The following IQCH variants were observed in gnomAD, a reference collection of about 807,000 sequenced individuals.
The protein encoded by IQCH is IQ domain-containing protein H.
A neutral mutation model predicts 117.0 loss-of-function variants in IQCH; 98 were observed. The ratio of observed to expected loss-of-function variants is 0.84; its 90% CI spans 0.71 to 0.99. IQCH has a LOEUF of 0.99. IQCH is among the 50% of genes least tolerant of loss of function. The probability of loss-of-function intolerance (pLI) is 0.00; values close to 1 mark genes in which losing one functional copy is unlikely to be tolerated. For synonymous variants in IQCH, 412 were observed against 448.2 expected, an observed-to-expected ratio of 0.92 and a Z score of 1.02; for missense variants, 1,102 against 1,243.8, an observed-to-expected ratio of 0.89 and a Z score of 1.72.
chr15:67,431,615 A>G lies in IQCH; in HGVS notation c.2505+10038A>G, dbSNP rs1258861001. 6.6e-6 allele frequency among the ~76,000 whole-genome samples: 1 copy of G among 152,196 alleles called. No individual in the cohort carries two copies. The highest frequency in any genetic ancestry group is 1.5e-5 in the Non-Finnish European group (1 of 68,036). On this transcript the variant is annotated intron_variant, in intron 16 of 20. Transcript: ENST00000335894. The surrounding 1 kb of genome is among the most constrained non-coding windows in gnomAD (Gnocchi z 4.8). ...AAGTTTACCTGTGTAGCAAACCTGC[A>G]CACGTACCCCGAACTTAAAAGTTAA...
intron 4 of IQCH, among the ~76,000 whole-genome samples, chr15:67,288,034 A>C (rs754872555): frequency 1.3e-5 from 2 of 152,052 alleles, no homozygotes; most frequent in Non-Finnish European, 2.9e-5. Context: ...TTTACTTTCC[A>C]TGTATTTATG....
In IQCH at chr15:67,456,556, G is replaced by A. The variant is rs750554098; in HGVS notation, c.2506-8571G>A. Reference sequence around the variant, plus strand: ...AGTTTTAGAGATTCCATCCTACATCGTATCAAATGTATTAAAAATCCATTT... The same window carrying A: ...AGTTTTAGAGATTCCATCCTACATCATATCAAATGTATTAAAAATCCATTT... On this transcript the variant is annotated intron_variant, in intron 16 of 20. Transcript: ENST00000335894. The surrounding 1 kb of genome is among the most constrained non-coding windows in gnomAD (Gnocchi z 5.1). Among the ~76,000 whole-genome samples, 4 of 152,022 alleles carry A rather than the reference G, an allele frequency of 2.6e-5. No homozygotes were observed. The highest frequency in any genetic ancestry group is 2.1e-4 in the South Asian group (1 of 4,818).
At position 67,387,826 on chromosome 15, in the gene IQCH, C is replaced by T. The variant is rs953737698; in HGVS notation, c.1457-1005C>T. Among the ~76,000 whole-genome samples, 1 of 152,146 alleles carries T rather than the reference C, an allele frequency of 6.6e-6. No individual in the cohort carries two copies. Among genetic ancestry groups the T allele is most frequent in the Admixed American group, 6.6e-5 (1 of 15,260 alleles). On this transcript the variant is annotated intron_variant, in intron 11 of 20. Transcript: ENST00000335894. This position sits in a 1 kb window ranked among gnomAD's most constrained non-coding sequence, Gnocchi z 4.8. ...AAGGTTAAATAACTAGAATTTAATT[C>T]AGTCTATGCTCTGTATATATACTCT...
In IQCH at chr15:67,385,581, G is replaced by GAAGCCAGTA. The variant is rs1448202152; in HGVS notation, c.1456+562_1456+563insAAGCCAGTA. ...CAGTGATGTATACATCTTTGTAAAA[G>GAAGCCAGTA]TCAGGTTCTGATACTGGTTTGGTCA... is the stretch of plus-strand genomic sequence containing the variant. On this transcript the variant is annotated intron_variant, in intron 11 of 20. Coordinates refer to ENST00000335894, the MANE Select transcript of IQCH (RefSeq NM_001031715.3). The surrounding 1 kb of genome is among the most constrained non-coding windows in gnomAD (Gnocchi z 4.6). Among the ~76,000 whole-genome samples the GAAGCCAGTA allele has an allele frequency of 6.6e-6, 1 of 152,144 alleles. No homozygotes were observed. The highest frequency in any genetic ancestry group is 1.9e-4 in the East Asian group (1 of 5,194).
chr15:67,446,193 TA>T (rs2082387746), intron 16 of IQCH, among the ~76,000 whole-genome samples: 1 of 152,258 alleles, frequency 6.6e-6, no homozygotes, highest in Admixed American at 6.5e-5. Flanking sequence ...ATATATTTTA[TA>T]TTTTTTATTC....
intron 16 of IQCH, among the ~76,000 whole-genome samples, chr15:67,446,176 C>G (rs1029320621): frequency 5.9e-5 from 9 of 152,050 alleles, no homozygotes; most frequent in African/African-American, 2.2e-4. Context: ...AGGGAAAGCA[C>G]CAATGTATAT....
rs1321042511 is a variant in IQCH, at chr15:67,497,004, G to A, written c.2970+2638G>A. On this transcript the variant is annotated intron_variant, in intron 20 of 20. Transcript: ENST00000335894. ...CTGCAGTCCGCAGTCCGGCCTGGGC[G>A]ACAGAGCGAGACTCCGTCTCAAAAA... 6.5e-5 allele frequency among the ~76,000 whole-genome samples: 8 copies of A among 122,778 alleles called. No homozygotes were observed. In the South Asian group the frequency reaches 1.1e-3, roughly 16 times the overall value. 80.5% of individuals were successfully genotyped at this position (122,778 alleles called of 152,430 possible).
intron 6 of IQCH, among the ~76,000 whole-genome samples, chr15:67,348,206 A>C (rs1969491720): frequency 6.6e-6 from 1 of 152,094 alleles, no homozygotes; most frequent in African/African-American, 2.4e-5. Flanking sequence ...ATGGTTGTGC[A>C]CTCTCACCAC....
intron 4 of IQCH, among the ~76,000 whole-genome samples, chr15:67,328,671 T>C (rs1596191653): frequency 6.6e-6 from 1 of 152,334 alleles, no homozygotes; most frequent in South Asian, 2.1e-4. Context: ...GTCTTACTGA[T>C]AATATGTATA....
At chr15:67,450,805 C>T (rs2082505131) in intron 16 of IQCH, among the ~76,000 whole-genome samples, 1 of 152,178 alleles carries the variant, frequency 6.6e-6, no homozygotes, top group African/African-American at 2.4e-5. Flanking sequence ...ATGGTACCAG[C>T]TCCTCTTTGT....
At chr15:67,262,186 A>C (rs913111889) in intron 2 of IQCH, among the ~76,000 whole-genome samples, 1 of 152,234 alleles carries the variant, frequency 6.6e-6, no homozygotes, top group Non-Finnish European at 1.5e-5. Context: ...CAAATGGGTA[A>C]AACTAAAGAA....
chr15:67,280,797 A>G (rs545842336), intron 4 of IQCH, among the ~76,000 whole-genome samples: 8 of 152,008 alleles, frequency 5.3e-5, no homozygotes, highest in African/African-American at 1.9e-4. Context: ...CTTTGAAAAT[A>G]CTAACTTGTT....
chr15:67,330,884 A>C (rs1968637718), intron 4 of IQCH, among the ~76,000 whole-genome samples: 1 of 152,194 alleles, frequency 6.6e-6, no homozygotes, highest in Admixed American at 6.5e-5. Context: ...CAAGACAGGC[A>C]GGAGAGCCTA....
chr15:67,362,729 T>G (rs1487404031), intron 8 of IQCH, among the ~76,000 whole-genome samples: 1 of 152,168 alleles, frequency 6.6e-6, no homozygotes, highest in African/African-American at 2.4e-5. Flanking sequence ...AAGCAAAAGC[T>G]CCTAGCAATA....
At chr15:67,319,876 A>G (rs182659386) in intron 4 of IQCH, among the ~76,000 whole-genome samples, 15 of 152,364 alleles carry the variant, frequency 9.8e-5, no homozygotes, top group African/African-American at 3.6e-4. Context: ...ACTCTTACAC[A>G]CATACATACA....
In IQCH at chr15:67,428,982, G is replaced by A. The variant is rs762480385; in HGVS notation, c.2505+7405G>A. ...TGGCATGAGCCAATGAAGGCACATG[G>A]CCTCTAGAAGCCAGAAAAGGCAAGG... On this transcript the variant is annotated intron_variant, in intron 16 of 20. Coordinates refer to ENST00000335894, the MANE Select transcript of IQCH (RefSeq NM_001031715.3). Among the ~76,000 whole-genome samples the A allele has an allele frequency of 5.9e-5, 9 of 152,256 alleles. No homozygotes were observed. In the South Asian group the frequency reaches 8.3e-4, roughly 14 times the overall value.
intron 4 of IQCH, among the ~76,000 whole-genome samples, chr15:67,312,293 A>G (rs186512682): frequency 5.3e-5 from 8 of 152,258 alleles, no homozygotes; most frequent in Admixed American, 5.2e-4. Flanking sequence ...ACTGTATTTC[A>G]GTATAATAGG....
At position 67,254,789 on chromosome 15, in the gene IQCH, A is replaced by G. The variant is rs1000559378; in HGVS notation, c.-108A>G. ...GACCCCCTTCCGCTCCCAGCGTGGA[A>G]CAGGCCAGGTCGCGCGCGGTGTTGC... On this transcript the variant is annotated 5_prime_UTR_variant, in exon 1 of 21. Coordinates refer to ENST00000335894, the MANE Select transcript of IQCH (RefSeq NM_001031715.3). 7.4e-7 allele frequency: 1 copy of G among 1,356,292 alleles called. No individual in the cohort carries two copies. Among genetic ancestry groups the G allele is most frequent in the Non-Finnish European group, 1.0e-6 (1 of 967,244 alleles). 84.0% of individuals were successfully genotyped at this position (1,356,292 alleles called of 1,614,324 possible).
In IQCH at chr15:67,430,534, T is replaced by A. The variant is rs561595190; in HGVS notation, c.2505+8957T>A. 6 of 152,324 alleles carry A rather than the reference T, an allele frequency of 3.9e-5. No individual in the cohort carries two copies. In the South Asian group the frequency reaches 1.2e-3, roughly 32 times the overall value. The allele number at this position is 152,324 out of a possible 1,614,324, so 9.4% of individuals were successfully genotyped here. On this transcript the variant is annotated intron_variant, in intron 16 of 20. Coordinates refer to ENST00000335894, the MANE Select transcript of IQCH (RefSeq NM_001031715.3). This position sits in a 1 kb window ranked among gnomAD's most constrained non-coding sequence, Gnocchi z 5.1. ...TTCATAGGTATAAATATTGCCTCCA[T>A]GAGATTTTTTTAATCCTTTAGAAAA...
Sources: allele counts gnomAD v4.1 joint callset (sites outside exome capture counted in the v4.1 genomes callset), GRCh38; gene constraint gnomAD v4.1.1; non-coding constraint Gnocchi (gnomAD v3.1); transcripts MANE v1.5; gene names NCBI Gene and HGNC (gene_info 2026-07-23, HGNC 2026-07-21).